DRC5: variants seen among roughly 807,000 people sequenced by gnomAD.
DRC5 encodes the protein T-complex-associated testis-expressed protein 1.
the DRC5 span, among the ~76,000 whole-genome samples, chr6:44,283,092 G>A: frequency 6.6e-6 from 1 of 151,894 alleles, no homozygotes; most frequent in African/African-American, 2.4e-5. Flanking sequence ...GTGAGCCACC[G>A]CGCCCGGCCG....
chr6:44,287,629 G>A, the DRC5 span: 1 of 1,614,166 alleles, frequency 6.2e-7, no homozygotes, highest in Non-Finnish European at 8.5e-7. Context: ...AGGATCCTCA[G>A]CAATGATCCG....
At chr6:44,286,259 C>T in the DRC5 span, 3 of 1,612,558 alleles carry the variant, frequency 1.9e-6, no homozygotes, top group Admixed American at 1.7e-5. Context: ...GTAATTCCGG[C>T]AGAGCGGCAG....
chr6:44,290,525 A>G, the DRC5 span, among the ~76,000 whole-genome samples: 1 of 152,104 alleles, frequency 6.6e-6, no homozygotes, highest in East Asian at 1.9e-4. Flanking sequence ...GCCCTTCCCT[A>G]TTTCCAGGAG....
chr6:44,297,658 C>T, the DRC5 span: 1 of 152,196 alleles, frequency 6.6e-6, no homozygotes, highest in Non-Finnish European at 1.5e-5. Flanking sequence ...GGTCGCCTCA[C>T]CCGCTCCGGG....
chr6:44,282,058 C>CT, the DRC5 span: 38 of 1,538,514 alleles, frequency 2.5e-5, no homozygotes, highest in Non-Finnish European at 2.9e-5. Context: ...ACAAGTACCC[C>CT]TGGCAGTTGG....
At chr6:44,286,558 G>C in the DRC5 span, 1 of 1,584,170 alleles carries the variant, frequency 6.3e-7, no homozygotes. Flanking sequence ...AAGGAGCGCA[G>C]GGGGTCACAG....
At chr6:44,291,609 C>T in the DRC5 span, among the ~76,000 whole-genome samples, 1 of 152,340 alleles carries the variant, frequency 6.6e-6, no homozygotes, top group East Asian at 1.9e-4. Context: ...TCTCCCTCTG[C>T]CCATCTCTCA....
At chr6:44,283,490 C>T in the DRC5 span, among the ~76,000 whole-genome samples, 4 of 152,196 alleles carry the variant, frequency 2.6e-5, no homozygotes, top group African/African-American at 9.6e-5. Context: ...TTGTCCCACT[C>T]CTCTCTCTCC....
chr6:44,287,434 G>T, the DRC5 span: 2 of 1,132,076 alleles, frequency 1.8e-6, no homozygotes, highest in Non-Finnish European at 2.5e-6. Flanking sequence ...TGCCATACGG[G>T]AGAGCAGGGG....
At chr6:44,286,068 C>T in the DRC5 span, 4 of 1,614,160 alleles carry the variant, frequency 2.5e-6, no homozygotes, top group East Asian at 2.2e-5. Flanking sequence ...TCCTTGACAT[C>T]GTACACCAGG....
At chr6:44,282,129 G>A in the DRC5 span, 1 of 1,613,492 alleles carries the variant, frequency 6.2e-7, no homozygotes, top group Non-Finnish European at 8.5e-7. Context: ...GTGGTTGCAG[G>A]ACAGGTTGAT....
chr6:44,287,255 T>C, the DRC5 span: 30 of 984,882 alleles, frequency 3.0e-5, no homozygotes, highest in Non-Finnish European at 3.5e-5. Flanking sequence ...GAGGAGGAAG[T>C]AGATATGGCT....
chr6:44,286,181 T>C, the DRC5 span: 1 of 1,612,176 alleles, frequency 6.2e-7, no homozygotes. Flanking sequence ...GTCGGACTGG[T>C]CGCCCGGCCG....
the DRC5 span, among the ~76,000 whole-genome samples, chr6:44,283,946 T>C: frequency 1.3e-5 from 2 of 152,246 alleles, no homozygotes; most frequent in South Asian, 2.1e-4. Context: ...CACTGACTTA[T>C]TGGTCTATGA....
chr6:44,282,941 T>TAC, the DRC5 span, among the ~76,000 whole-genome samples: 1 of 151,340 alleles, frequency 6.6e-6, no homozygotes, highest in Non-Finnish European at 1.5e-5. Context: ...TAGCTGAGAC[T>TAC]ACAAGTGCCC....
At chr6:44,294,201 T>C in the DRC5 span, among the ~76,000 whole-genome samples, 1 of 152,142 alleles carries the variant, frequency 6.6e-6, no homozygotes, top group Non-Finnish European at 1.5e-5. Flanking sequence ...AGGCTGGTCT[T>C]GAACTCTCGA....
the DRC5 span, among the ~76,000 whole-genome samples, chr6:44,295,402 C>A: frequency 4.9e-4 from 75 of 152,272 alleles, 1 homozygote; most frequent in Middle Eastern, 3.4e-3. Context: ...GGACCACAGT[C>A]CCCAGGGAAA....
At chr6:44,294,871 C>T in the DRC5 span, among the ~76,000 whole-genome samples, 3 of 151,316 alleles carry the variant, frequency 2.0e-5, no homozygotes, top group African/African-American at 7.3e-5. Flanking sequence ...AAGGAGAAGA[C>T]AGGAGTCTGA....
At chr6:44,288,455 T>C in the DRC5 span, among the ~76,000 whole-genome samples, 1 of 152,260 alleles carries the variant, frequency 6.6e-6, no homozygotes, top group Non-Finnish European at 1.5e-5. Flanking sequence ...GTCAAATTCA[T>C]GCTCTGAACC....
Sources: allele counts gnomAD v4.1 joint callset (sites outside exome capture counted in the v4.1 genomes callset), GRCh38; gene constraint gnomAD v4.1.1; transcripts MANE v1.5; gene names NCBI Gene and HGNC (gene_info 2026-07-23, HGNC 2026-07-21).